The following POU4F2 variants were observed in gnomAD, a reference collection of about 807,000 sequenced individuals.
The protein encoded by POU4F2 is POU domain, class 4, transcription factor 2.
A neutral mutation model predicts 21.5 loss-of-function variants in POU4F2; 10 were observed. That is an observed-to-expected ratio of 0.46 (90% confidence interval 0.29 to 0.79). The LOEUF is 0.79. Among genes scored for constraint, POU4F2 ranks in the 30% least tolerant of loss-of-function variants. The pLI, the probability that POU4F2 is intolerant of heterozygous loss-of-function variation, is 0.10. For missense variants in POU4F2, 623 were observed against 603.3 expected, an observed-to-expected ratio of 1.03 and a Z score of -0.34; for synonymous variants, 324 against 271.1, an observed-to-expected ratio of 1.20 and a Z score of -1.92.
chr4:146,639,278 C>G lies in POU4F2; in HGVS notation c.138C>G (p.Ser46=). 6.4e-7 allele frequency: 1 copy of G among 1,562,976 alleles called. No homozygotes were observed. Among genetic ancestry groups the G allele is most frequent in the Non-Finnish European group, 8.6e-7 (1 of 1,158,810 alleles). Residue 46 remains serine (S), a synonymous_variant, in exon 1 of 2, where the codon TCC becomes TCG. Transcript: ENST00000281321. ...SSAPIAPSAS[S]PSSSSNAGGG... is the part of the protein sequence containing the mutation. Reference sequence around the variant, plus strand: ...CTCCCATCGCGCCCTCGGCCAGCTCCCCCAGCAGCTCGAGCAACGCTGGTG... The same window carrying G: ...CTCCCATCGCGCCCTCGGCCAGCTCGCCCAGCAGCTCGAGCAACGCTGGTG...
rs148751103 is a variant in POU4F2, at chr4:146,640,292, G to A, written c.714G>A (p.Ala238=). The A allele has an allele frequency of 5.1e-6, 8 of 1,562,608 alleles. No homozygotes were observed. Among genetic ancestry groups the A allele is most frequent in the Non-Finnish European group, 6.9e-6 (8 of 1,157,914 alleles). Residue 238 remains alanine, a synonymous_variant, in exon 2 of 2, where the codon GCG becomes GCA. Coordinates refer to ENST00000281321, the MANE Select transcript of POU4F2 (RefSeq NM_004575.3). This position sits in a 1 kb window ranked among gnomAD's most constrained non-coding sequence, Gnocchi z 4.8. ...MHQAALSMAH[A]HGLPSHMGCM... is the part of the protein sequence containing the mutation. Reference sequence around the variant, plus strand: ...AAGCAGCGCTCAGCATGGCCCACGCGCACGGGCTGCCGTCGCACATGGGCT... The same window carrying A: ...AAGCAGCGCTCAGCATGGCCCACGCACACGGGCTGCCGTCGCACATGGGCT...
Position 146,640,246 on chromosome 4 carries a change from C to T in POU4F2, c.668C>T (p.Ala223Val). The change falls in exon 2 of 2, where the codon GCC becomes GTC. Residue 223 changes from alanine (A) to valine (V), a missense_variant. By Grantham distance (64) the Ala-to-Val change is moderately conservative. Transcript: ENST00000281321. This position sits in a 1 kb window ranked among gnomAD's most constrained non-coding sequence, Gnocchi z 4.8. ...ACGCCGGCTCACGCGCCGCACATGGCCACCATGAACCCCATGCACCAAGCA... is the reference window on the plus strand; with the variant it reads ...ACGCCGGCTCACGCGCCGCACATGGTCACCATGAACCCCATGCACCAAGCA... ...VSTPAHAPHMATMNPMHQAAL... is the reference protein window; with the variant it reads ...VSTPAHAPHMVTMNPMHQAAL... 1 of 1,581,360 alleles carries T rather than the reference C, an allele frequency of 6.3e-7. No individual in the cohort carries two copies. Among genetic ancestry groups the T allele is most frequent in the Non-Finnish European group, 8.6e-7 (1 of 1,169,044 alleles).
In POU4F2 at chr4:146,640,265, C is replaced by A. The variant is rs1301265878; in HGVS notation, c.687C>A (p.His229Gln). The change falls in exon 2 of 2, where the codon CAC becomes CAA. Residue 229 changes from histidine to glutamine, a missense_variant. Transcript: ENST00000281321. This position sits in a 1 kb window ranked among gnomAD's most constrained non-coding sequence, Gnocchi z 4.8. ...APHMATMNPMHQAALSMAHAH... is the reference protein window; with the variant it reads ...APHMATMNPMQQAALSMAHAH... ...ACATGGCCACCATGAACCCCATGCA[C>A]CAAGCAGCGCTCAGCATGGCCCACG... 1.3e-6 allele frequency: 2 copies of A among 1,574,168 alleles called. No homozygotes were observed. Among genetic ancestry groups the A allele is most frequent in the South Asian group, 1.2e-5 (1 of 84,844 alleles).
chr4:146,640,712 C>T lies in POU4F2; in HGVS notation c.1134C>T (p.Ile378=), dbSNP rs572053159. ...CCTCCTCTGAAAAGATCGCCGCCATCGCGGAGAAGCTGGACCTGAAGAAAA... is the reference window on the plus strand; with the variant it reads ...CCTCCTCTGAAAAGATCGCCGCCATTGCGGAGAAGCTGGACCTGAAGAAAA... ...PRPSSEKIAA[I]AEKLDLKKNV... The change falls in exon 2 of 2, where the codon ATC becomes ATT. Residue 378 remains isoleucine, a synonymous_variant. Transcript: ENST00000281321. This position sits in a 1 kb window ranked among gnomAD's most constrained non-coding sequence, Gnocchi z 4.8. The T allele has an allele frequency of 1.9e-5, 31 of 1,614,240 alleles. No individual in the cohort carries two copies. In the Admixed American group the frequency reaches 4.7e-4, roughly 24 times the overall value.
chr4:146,640,160 G>A lies in POU4F2; in HGVS notation c.582G>A (p.Glu194=). 1 of 1,593,736 alleles carries A rather than the reference G, an allele frequency of 6.3e-7. No homozygotes were observed. Residue 194 remains glutamate (E), a synonymous_variant, in exon 2 of 2, where the codon GAG becomes GAA. Coordinates refer to ENST00000281321, the MANE Select transcript of POU4F2 (RefSeq NM_004575.3). The surrounding 1 kb of genome is among the most constrained non-coding windows in gnomAD (Gnocchi z 4.8). ...PHQALEGELL[E]HLSPGLALGA... ...AGGCGCTGGAGGGCGAGCTGCTGGAGCACCTGAGTCCCGGGCTGGCCCTGG... is the reference window on the plus strand; with the variant it reads ...AGGCGCTGGAGGGCGAGCTGCTGGAACACCTGAGTCCCGGGCTGGCCCTGG...
rs772231658 is a variant in POU4F2 at position 146,639,314 on chromosome 4, C to CGGA, written c.176_177insAGG (p.Gly68dup). The CGGA allele has an allele frequency of 8.8e-7, 1 of 1,138,042 alleles. No homozygotes were observed. 70.5% of individuals were successfully genotyped at this position (1,138,042 alleles called of 1,614,324 possible). On this transcript the variant is annotated inframe_insertion, in exon 1 of 2. Coordinates refer to ENST00000281321, the MANE Select transcript of POU4F2 (RefSeq NM_004575.3). ...CGAGCAACGCTGGTGGTGGCGGCGGCGGCGGCGGCGGCGGCGGCGGCGGCG... is the reference window on the plus strand; with the variant it reads ...CGAGCAACGCTGGTGGTGGCGGCGGCGGAGGCGGCGGCGGCGGCGGCGGCGGCG...
chr4:146,639,827 C>A, intron 1 of POU4F2, 40 bp from the exon 2 acceptor site: 1 of 1,505,832 alleles, frequency 6.6e-7, no homozygotes, highest in Non-Finnish European at 8.9e-7. Flanking sequence ...CGTACAATTC[C>A]CTGCTGAGCG....
In POU4F2 at chr4:146,640,581, A is replaced by G; in HGVS notation, c.1003A>G (p.Thr335Ala). ...CGAGAAGTCCCACCGCGAGAAGCTC[A>G]CCAAGCCTGAACTCTTCAATGGCGC... ...EAEKSHREKLTKPELFNGAEK... is the reference protein window; with the variant it reads ...EAEKSHREKLAKPELFNGAEK... Residue 335 changes from threonine to alanine, a missense_variant, in exon 2 of 2, where the codon ACC (threonine) becomes GCC (alanine). By Grantham distance (58) the Thr-to-Ala change is moderately conservative. Coordinates refer to ENST00000281321, the MANE Select transcript of POU4F2 (RefSeq NM_004575.3). The surrounding 1 kb of genome is among the most constrained non-coding windows in gnomAD (Gnocchi z 4.8). 1 of 1,613,940 alleles carries G rather than the reference A, an allele frequency of 6.2e-7. No homozygotes were observed. Among genetic ancestry groups the G allele is most frequent in the Non-Finnish European group, 8.5e-7 (1 of 1,179,876 alleles).
In POU4F2 at chr4:146,640,749, G is replaced by T. The variant is rs1487792826; in HGVS notation, c.1171G>T (p.Val391Phe). 19 of 1,613,592 alleles carry T rather than the reference G, an allele frequency of 1.2e-5. No homozygotes were observed. The highest frequency in any genetic ancestry group is 1.5e-5 in the Non-Finnish European group (18 of 1,179,926). Residue 391 changes from valine to phenylalanine, a missense_variant, in exon 2 of 2, where the codon GTC (valine) becomes TTC (phenylalanine). Physicochemically the swap from Val to Phe is conservative, Grantham distance 50. Coordinates refer to ENST00000281321, the MANE Select transcript of POU4F2 (RefSeq NM_004575.3). This position sits in a 1 kb window ranked among gnomAD's most constrained non-coding sequence, Gnocchi z 4.8. ...KLDLKKNVVR[V>F]WFCNQRQKQK... is the part of the protein sequence containing the mutation. ...GGACCTGAAGAAAAACGTGGTGCGC[G>T]TCTGGTTCTGCAACCAGAGGCAGAA...
rs1290564230 is a variant in POU4F2, at chr4:146,639,269, G to A, written c.129G>A (p.Ser43=). The change falls in exon 1 of 2, where the codon TCG becomes TCA. Residue 43 remains serine, a synonymous_variant. Coordinates refer to ENST00000281321, the MANE Select transcript of POU4F2 (RefSeq NM_004575.3). ...GCTCCTCGGCTCCCATCGCGCCCTC[G>A]GCCAGCTCCCCCAGCAGCTCGAGCA... ...SPGSSAPIAP[S]ASSPSSSSNA... is the part of the protein sequence containing the mutation. The A allele has an allele frequency of 2.5e-6, 4 of 1,572,316 alleles. No homozygotes were observed. The highest frequency in any genetic ancestry group is 3.4e-6 in the Non-Finnish European group (4 of 1,163,032).
At position 146,639,389 on chromosome 4, in the gene POU4F2, C is replaced by T. The variant is rs1740825185; in HGVS notation, c.249C>T (p.Gly83=). The change falls in exon 1 of 2, where the codon GGC becomes GGT. Residue 83 remains glycine, a synonymous_variant. Coordinates refer to ENST00000281321, the MANE Select transcript of POU4F2 (RefSeq NM_004575.3). ...GCAGTGGCAGCAGCGGCGGCGGGGG[C>T]TCGGAGGCTATGCGGAGAGCCTGTC... ...SSSSGSSGGG[G]SEAMRRACLP... 1 of 1,469,914 alleles carries T rather than the reference C, an allele frequency of 6.8e-7. No individual in the cohort carries two copies. Among genetic ancestry groups the T allele is most frequent in the African/African-American group, 1.5e-5 (1 of 67,606 alleles). The allele number at this position is 1,469,914 out of a possible 1,614,324, so 91.1% of individuals were successfully genotyped here. A position where few individuals can be genotyped will look rare whatever the true frequency, so the allele number is the denominator to read the frequency against.
At position 146,640,274 on chromosome 4, in the gene POU4F2, G is replaced by T; in HGVS notation, c.696G>T (p.Ala232=). The T allele has an allele frequency of 6.4e-7, 1 of 1,568,276 alleles. No homozygotes were observed. Among genetic ancestry groups the T allele is most frequent in the Non-Finnish European group, 8.6e-7 (1 of 1,161,038 alleles). ...CCATGAACCCCATGCACCAAGCAGC[G>T]CTCAGCATGGCCCACGCGCACGGGC... ...MATMNPMHQA[A]LSMAHAHGLP... The change falls in exon 2 of 2, where the codon GCG becomes GCT. Residue 232 remains alanine, a synonymous_variant. Transcript: ENST00000281321. This position sits in a 1 kb window ranked among gnomAD's most constrained non-coding sequence, Gnocchi z 4.8.
In POU4F2 at chr4:146,642,115, G is replaced by A. The variant is rs1394249311; in HGVS notation, c.*1307G>A. ...ACTAATTTGAACTATAAGAAAGACA[G>A]TGCACTGCTTGTAAATTCACATTGT... On this transcript the variant is annotated 3_prime_UTR_variant, in exon 2 of 2. Transcript: ENST00000281321. 6.6e-6 allele frequency: 1 copy of A among 152,632 alleles called. No individual in the cohort carries two copies. Among genetic ancestry groups the A allele is most frequent in the Non-Finnish European group, 1.5e-5 (1 of 68,042 alleles). The allele number at this position is 152,632 out of a possible 1,614,324, so 9.5% of individuals were successfully genotyped here. A position where few individuals can be genotyped will look rare whatever the true frequency, so the allele number is the denominator to read the frequency against.
In POU4F2 at chr4:146,639,276, T is replaced by A. The variant is rs751678267; in HGVS notation, c.136T>A (p.Ser46Thr). 14 of 1,556,476 alleles carry A rather than the reference T, an allele frequency of 9.0e-6. No homozygotes were observed. The Admixed American group carries it at 2.3e-4, about 25-fold the overall frequency. ...SSAPIAPSAS[S>T]PSSSSNAGGG... Reference sequence around the variant, plus strand: ...GGCTCCCATCGCGCCCTCGGCCAGCTCCCCCAGCAGCTCGAGCAACGCTGG... The same window carrying A: ...GGCTCCCATCGCGCCCTCGGCCAGCACCCCCAGCAGCTCGAGCAACGCTGG... The change falls in exon 1 of 2, where the codon TCC (serine) becomes ACC (threonine). Residue 46 changes from serine (S) to threonine (T), a missense_variant. Physicochemically the swap from Ser to Thr is moderately conservative, Grantham distance 58. Transcript: ENST00000281321.
Position 146,639,306 on chromosome 4 carries a change from G to GGCA in POU4F2, c.168_169insAGC (p.Gly56_Gly57insSer), listed in dbSNP as rs1740821397. 1 of 875,942 alleles carries GGCA rather than the reference G, an allele frequency of 1.1e-6. No individual in the cohort carries two copies. The highest frequency in any genetic ancestry group is 1.4e-6 in the Non-Finnish European group (1 of 700,932). 54.3% of individuals were successfully genotyped at this position (875,942 alleles called of 1,614,324 possible). On this transcript the variant is annotated inframe_insertion, in exon 1 of 2. Coordinates refer to ENST00000281321, the MANE Select transcript of POU4F2 (RefSeq NM_004575.3). ...CAGCAGCTCGAGCAACGCTGGTGGT[G>GGCA]GCGGCGGCGGCGGCGGCGGCGGCGG...
rs1027799111 is a variant in POU4F2, at chr4:146,639,250, C to T, written c.110C>T (p.Ser37Leu). Residue 37 changes from serine (S) to leucine (L), a missense_variant, in exon 1 of 2, where the codon TCG becomes TTG. By Grantham distance (145) the Ser-to-Leu change is moderately radical. Transcript: ENST00000281321. ...CTGCACAGCACCTCGCCGGGCTCCT[C>T]GGCTCCCATCGCGCCCTCGGCCAGC... ...SALHSTSPGS[S>L]APIAPSASSP... 24 of 1,583,678 alleles carry T rather than the reference C, an allele frequency of 1.5e-5. No homozygotes were observed. Among genetic ancestry groups the T allele is most frequent in the Non-Finnish European group, 2.0e-5 (23 of 1,167,988 alleles).
At position 146,640,216 on chromosome 4, in the gene POU4F2, T is replaced by C. The variant is rs1246207431; in HGVS notation, c.638T>C (p.Val213Ala). ...ATGGCGGGCCCCGACGGCGCTGTGGTGTCCACGCCGGCTCACGCGCCGCAC... is the reference window on the plus strand; with the variant it reads ...ATGGCGGGCCCCGACGGCGCTGTGGCGTCCACGCCGGCTCACGCGCCGCAC... ...GAMAGPDGAVVSTPAHAPHMA... is the reference protein window; with the variant it reads ...GAMAGPDGAVASTPAHAPHMA... Residue 213 changes from valine to alanine, a missense_variant, in exon 2 of 2, where the codon GTG becomes GCG. This residue lies in a region of POU4F2 where 523 missense variants were observed against 504.1 expected (regional missense o/e 1.04). Coordinates refer to ENST00000281321, the MANE Select transcript of POU4F2 (RefSeq NM_004575.3). The surrounding 1 kb of genome is among the most constrained non-coding windows in gnomAD (Gnocchi z 4.8). The C allele has an allele frequency of 1.9e-6, 3 of 1,570,434 alleles. No individual in the cohort carries two copies. The highest frequency in any genetic ancestry group is 2.3e-5 in the East Asian group (1 of 42,822).
rs148020860 is a variant in POU4F2 at position 146,639,405 on chromosome 4, A to C, written c.265A>C (p.Arg89=). 5,471 of 1,466,818 alleles carry C rather than the reference A, an allele frequency of 3.7e-3. 27 individuals carry two copies. Among genetic ancestry groups the C allele is most frequent in the Middle Eastern group, 8.6e-3 (47 of 5,450 alleles). 90.9% of individuals were successfully genotyped at this position (1,466,818 alleles called of 1,614,324 possible). ...SGGGGSEAMR[R]ACLPTPPSNI... ...CGGCGGGGGCTCGGAGGCTATGCGG[A>C]GAGCCTGTCTTCCAACCCCACCGGT... Residue 89 remains arginine, a synonymous_variant, in exon 1 of 2, where the codon AGA becomes CGA. Coordinates refer to ENST00000281321, the MANE Select transcript of POU4F2 (RefSeq NM_004575.3).
rs745424096 is a variant in POU4F2, at chr4:146,640,365, G to C, written c.787G>C (p.Glu263Gln). The change falls in exon 2 of 2, where the codon GAG becomes CAG. Residue 263 changes from glutamate (E) to glutamine (Q), a missense_variant. This residue lies in a region of POU4F2 where 523 missense variants were observed against 504.1 expected (regional missense o/e 1.04). Coordinates refer to ENST00000281321, the MANE Select transcript of POU4F2 (RefSeq NM_004575.3). This position sits in a 1 kb window ranked among gnomAD's most constrained non-coding sequence, Gnocchi z 4.8. ...ADPRDLEAFA[E>Q]RFKQRRIKLG... ...CCCGCGGGACCTGGAGGCATTCGCCGAGCGCTTCAAGCAGCGACGCATCAA... is the reference window on the plus strand; with the variant it reads ...CCCGCGGGACCTGGAGGCATTCGCCCAGCGCTTCAAGCAGCGACGCATCAA... 6.3e-7 allele frequency: 1 copy of C among 1,598,296 alleles called. No individual in the cohort carries two copies. Among genetic ancestry groups the C allele is most frequent in the Admixed American group, 1.7e-5 (1 of 59,426 alleles).
Sources: allele counts gnomAD v4.1 joint callset, GRCh38; gene constraint gnomAD v4.1.1; regional missense constraint gnomAD v4.1.1; non-coding constraint Gnocchi (gnomAD v3.1); transcripts MANE v1.5; gene names NCBI Gene and HGNC (gene_info 2026-07-23, HGNC 2026-07-21).